RABEP1: variants seen among roughly 807,000 people sequenced by gnomAD.
RABEP1 encodes rab GTPase-binding effector protein 1.
In RABEP1, 51 loss-of-function variants were observed where a neutral mutation model predicts 123.4. The observed-to-expected ratio is 0.41, with a 90% CI of 0.33 to 0.52. The LOEUF (loss-of-function observed/expected upper bound fraction) is 0.52. Ranked by LOEUF, RABEP1 falls within the 20% of genes least tolerant of loss-of-function variation. The pLI is 0.16. For synonymous variants in RABEP1, 347 were observed against 355.2 expected, an observed-to-expected ratio of 0.98 and a Z score of 0.26; for missense variants, 888 against 996.3, an observed-to-expected ratio of 0.89 and a Z score of 1.46.
intron 1 of RABEP1, among the ~76,000 whole-genome samples, chr17:5,291,415 A>G (rs1217101118): frequency 6.6e-6 from 1 of 152,234 alleles, no homozygotes; most frequent in African/African-American, 2.4e-5. Flanking sequence ...CCGTTTAAAA[A>G]AAAGAAAACT....
At chr17:5,334,681 A>G (rs987380856) in intron 3 of RABEP1, among the ~76,000 whole-genome samples, 32 of 152,180 alleles carry the variant, frequency 2.1e-4, no homozygotes, top group Non-Finnish European at 4.4e-5. Flanking sequence ...TTTTAAGATT[A>G]TATTAAAGAG....
chr17:5,314,187 G>GCAC (rs1056312910), intron 2 of RABEP1, among the ~76,000 whole-genome samples: 1 of 148,542 alleles, frequency 6.7e-6, no homozygotes, highest in Non-Finnish European at 1.5e-5. Flanking sequence ...AATGAGAAAT[G>GCAC]CACCTTTTTA....
In RABEP1 at chr17:5,320,660, T is replaced by C. The variant is rs574318677; in HGVS notation, c.164-11289T>C. On this transcript the variant is annotated intron_variant, in intron 2 of 17. Coordinates refer to ENST00000537505, the MANE Select transcript of RABEP1 (RefSeq NM_004703.6). ...TGGAGCTAAGTTGTAGAAGTTTTTT[T>C]CCCACTTATTTCTTTGTTTCTATTT... is the stretch of plus-strand genomic sequence containing the variant. 4.9e-4 allele frequency among the ~76,000 whole-genome samples: 74 copies of C among 152,312 alleles called. No individual in the cohort carries two copies. In the South Asian group the frequency reaches 0.011, roughly 22 times the overall value.
chr17:5,370,703 C>T (rs988091076), intron 12 of RABEP1, among the ~76,000 whole-genome samples: 4 of 152,150 alleles, frequency 2.6e-5, no homozygotes, highest in African/African-American at 9.7e-5. Flanking sequence ...TAATGAGGCA[C>T]GTTAATGATG....
At chr17:5,360,917 G>T in intron 8 of RABEP1, 1 of 355,396 alleles carries the variant, frequency 2.8e-6, no homozygotes, top group Non-Finnish European at 5.2e-6. Context: ...CATAGCTCCA[G>T]CCCATCCTTT....
intron 1 of RABEP1, among the ~76,000 whole-genome samples, chr17:5,296,160 G>A (rs980459998): frequency 1.3e-5 from 2 of 152,200 alleles, no homozygotes; most frequent in African/African-American, 2.4e-5. Context: ...ATTGTAGTAT[G>A]TAGCTAGATC....
intron 2 of RABEP1, among the ~76,000 whole-genome samples, chr17:5,321,076 G>A (rs949055220): frequency 6.6e-6 from 1 of 152,166 alleles, no homozygotes; most frequent in South Asian, 2.1e-4. Flanking sequence ...TTGGGAGGTT[G>A]AGGTGGGAGG....
chr17:5,316,380 G>T lies in RABEP1; in HGVS notation c.163+7558G>T, dbSNP rs191726211. On this transcript the variant is annotated intron_variant, in intron 2 of 17. Coordinates refer to ENST00000537505, the MANE Select transcript of RABEP1 (RefSeq NM_004703.6). ...CAGGAGAATGGCTTGAACCCGGGAG[G>T]TGGAGGTTGCAGTGAGCCGAGATCT... Among the ~76,000 whole-genome samples the T allele has an allele frequency of 2.0e-5, 3 of 147,158 alleles. No individual in the cohort carries two copies. In the Admixed American group the frequency reaches 2.0e-4, roughly 10 times the overall value.
chr17:5,350,410 A>G (rs765317414), intron 6 of RABEP1, 41 bp from the exon 7 acceptor site: 64 of 1,571,230 alleles, frequency 4.1e-5, no homozygotes, highest in Non-Finnish European at 4.6e-5. Flanking sequence ...TACCATTAAA[A>G]TTCAGTGTTT....
At chr17:5,344,971 A>G (rs1907948547) in intron 5 of RABEP1, among the ~76,000 whole-genome samples, 1 of 151,810 alleles carries the variant, frequency 6.6e-6, no homozygotes, top group South Asian at 2.1e-4. Flanking sequence ...TCAGAAAAAA[A>G]AATAAAAAAA....
chr17:5,282,913 A>C (rs1263843427), intron 1 of RABEP1, among the ~76,000 whole-genome samples: 1 of 152,062 alleles, frequency 6.6e-6, no homozygotes, highest in African/African-American at 2.4e-5. Flanking sequence ...TAGCTTAGGT[A>C]GTGTACCCTC....
At chr17:5,366,546 A>G (rs542522497) in intron 11 of RABEP1, among the ~76,000 whole-genome samples, 25 of 152,144 alleles carry the variant, frequency 1.6e-4, no homozygotes, top group African/African-American at 5.5e-4. Flanking sequence ...CCCGGGTTCA[A>G]GCAGTTTTCC....
Position 5,370,331 on chromosome 17 carries a change from CAA to C in RABEP1, c.1884+1865_1884+1866del, listed in dbSNP as rs148283829. Among the ~76,000 whole-genome samples, 1,714 of 152,322 alleles carry C rather than the reference CAA, an allele frequency of 0.011. 66 individuals carry two copies. In the East Asian group the frequency reaches 0.14, roughly 12 times the overall value. On this transcript the variant is annotated intron_variant, in intron 12 of 17. Coordinates refer to ENST00000537505, the MANE Select transcript of RABEP1 (RefSeq NM_004703.6). Reference sequence around the variant, plus strand: ...GTATTTTAGTATGTATTTCCTAAAACAAAGAGTTGTTCTGCATCGCTACAGTA... The same window carrying C: ...GTATTTTAGTATGTATTTCCTAAAACAGAGTTGTTCTGCATCGCTACAGTA...
chr17:5,309,199 GTTAT>G (rs1444204666), intron 2 of RABEP1, among the ~76,000 whole-genome samples: 2 of 152,250 alleles, frequency 1.3e-5, no homozygotes, highest in Non-Finnish European at 2.9e-5. Context: ...CAAATATTCA[GTTAT>G]TTATCAATAA....
At chr17:5,337,983 G>A in intron 4 of RABEP1, 36 bp from the exon 5 acceptor site, 2 of 1,569,018 alleles carry the variant, frequency 1.3e-6, no homozygotes, top group Non-Finnish European at 1.7e-6. Flanking sequence ...AGCAGTAAAT[G>A]AATAAGTCGT....
intron 1 of RABEP1, among the ~76,000 whole-genome samples, chr17:5,306,502 C>A (rs1404230276): frequency 6.6e-6 from 1 of 151,986 alleles, no homozygotes; most frequent in African/African-American, 2.4e-5. Context: ...GTGGCATGTG[C>A]CTGTACTCCC....
intron 1 of RABEP1, among the ~76,000 whole-genome samples, chr17:5,290,377 C>T (rs561093044): frequency 2.0e-4 from 30 of 152,260 alleles, no homozygotes; most frequent in Admixed American, 1.5e-3. Flanking sequence ...CGTGAGCCAC[C>T]GCGCCCGTCC....
rs1394432076 is a variant in RABEP1, at chr17:5,383,161, A to G, written c.2527A>G (p.Arg843Gly). Reference protein sequence around the residue: ...ERIRQADSLERIRAILNDTKL... With the variant: ...ERIRQADSLEGIRAILNDTKL... The stretch of plus-strand genomic sequence containing the variant: ...GATCCGGCAAGCTGACTCCTTGGAG[A>G]GAATCCGGGCAATTCTGAATGATAC... The change falls in exon 18 of 18, where the codon AGA becomes GGA. Residue 843 changes from arginine (R) to glycine (G), a missense_variant. Arg to Gly is a moderately radical substitution (Grantham distance 125, BLOSUM62 -2). Transcript: ENST00000537505. 1.2e-6 allele frequency: 2 copies of G among 1,613,986 alleles called. No homozygotes were observed. The highest frequency in any genetic ancestry group is 1.7e-6 in the Non-Finnish European group (2 of 1,180,032).
intron 8 of RABEP1, chr17:5,360,896 A>G (rs1909458906): frequency 3.4e-6 from 1 of 290,634 alleles, no homozygotes. Context: ...GAGCTACCAG[A>G]GCATTCAGCA....
Sources: gnomAD v4.1 joint callset for allele counts (sites outside exome capture counted in the v4.1 genomes callset) on GRCh38, gnomAD v4.1.1 for gene constraint, MANE v1.5 for transcripts, NCBI Gene and HGNC (gene_info 2026-07-23, HGNC 2026-07-21) for gene names.